Variants in RGR observed in about 807,000 individuals in gnomAD.
RGR encodes RPE-retinal G protein-coupled receptor.
A neutral mutation model predicts 28.6 loss-of-function variants in RGR; 30 were observed. The ratio of observed to expected loss-of-function variants is 1.05; its 90% CI spans 0.78 to 1.42. The LOEUF (loss-of-function observed/expected upper bound fraction) is 1.42. Among genes scored for constraint, RGR ranks in the 40% most tolerant of loss-of-function variants. RGR has a pLI of 0.00. For missense variants in RGR, 404 were observed against 375.6 expected, an observed-to-expected ratio of 1.08 and a Z score of -0.62; for synonymous variants, 180 against 156.4, an observed-to-expected ratio of 1.15 and a Z score of -1.13.
At chr10:84,258,412 C>T in intron 6 of RGR, 96 bp from the exon 7 acceptor site, 1 of 1,588,186 alleles carries the variant, frequency 6.3e-7, no homozygotes, top group South Asian at 1.1e-5. Context: ...AAATGATTGG[C>T]AGTTGTAGGT....
At chr10:84,254,120 T>C (rs567963259) in intron 4 of RGR, among the ~76,000 whole-genome samples, 3 of 152,320 alleles carry the variant, frequency 2.0e-5, no homozygotes, top group South Asian at 4.2e-4. Flanking sequence ...GGCTGAGCAC[T>C]TGAACAAGAA....
intron 3 of RGR, chr10:84,250,328 C>T (rs531583564): frequency 1.9e-4 from 138 of 717,222 alleles, no homozygotes; most frequent in Middle Eastern, 1.6e-3. Context: ...GTATAGCCCC[C>T]TTCCCTGAAA....
rs1254786455 is a variant in RGR at position 84,248,950 on chromosome 10, C to T, written c.265C>T (p.Gln89Ter). 1.9e-6 allele frequency: 3 copies of T among 1,614,156 alleles called. No individual in the cohort carries two copies. The part of the protein sequence containing the change: ...RRWPYGSDGC[Q>*]AHGFQGFVTA... ...CTGGCCCTACGGCTCGGACGGCTGC[C>T]AGGCTCACGGCTTCCAGGGCTTTGT... Residue 89 changes from glutamine (Q) to a stop codon, truncating the protein, a stop_gained, in exon 3 of 7, where the codon CAG becomes TAG. Transcript: ENST00000652092. LOFTEE classifies it high-confidence loss of function.
rs774316034 is a variant in RGR at position 84,245,160 on chromosome 10, C to T, written c.70C>T (p.Leu24=). 8 of 1,612,750 alleles carry T rather than the reference C, an allele frequency of 5.0e-6. No individual in the cohort carries two copies. The African/African-American group carries it at 8.0e-5, about 16-fold the overall frequency. The change falls in exon 1 of 7, where the codon CTG becomes TTG. Residue 24 remains leucine, a synonymous_variant. Transcript: ENST00000652092. ...GGTGCTGGCTGTGGGGATGGTGCTA[C>T]TGGTGGAAGGTGAGCCAGGCAGAAC... ...LEVLAVGMVL[L]VEALSGLSLN... is the part of the protein sequence containing the mutation.
intron 3 of RGR, chr10:84,250,593 A>G: frequency 1.5e-6 from 1 of 647,356 alleles, no homozygotes; most frequent in East Asian, 2.8e-5. Context: ...CTGCCTCAAT[A>G]TAGAACAGTT....
At chr10:84,255,718 CTTTTTTTTTT>C (rs71013305) in intron 5 of RGR, among the ~76,000 whole-genome samples, 53 of 102,880 alleles carry the variant, frequency 5.2e-4, no homozygotes, top group Non-Finnish European at 9.5e-4. Flanking sequence ...GGTTTTCTTT[CTTTTTTTTTT>C]TTTTTTTTTT....
intron 5 of RGR, 124 bp downstream of exon 5, chr10:84,254,567 C>G (rs1842860714): frequency 1.2e-6 from 1 of 865,730 alleles, no homozygotes; most frequent in South Asian, 1.4e-5. Flanking sequence ...GCTTTTGCAG[C>G]AAAAGCTTAT....
rs1306459537 is a variant in RGR, at chr10:84,255,777, C to T, written c.630+1334C>T. Reference sequence around the variant, plus strand: ...TTCACTCTTGTTGCCCAGGCTGGAGCGCAATGGTGTGATGTCGGCTCACCG... The same window carrying T: ...TTCACTCTTGTTGCCCAGGCTGGAGTGCAATGGTGTGATGTCGGCTCACCG... On this transcript the variant is annotated intron_variant, in intron 5 of 6. Transcript: ENST00000652092. Among the ~76,000 whole-genome samples, 6 of 136,172 alleles carry T rather than the reference C, an allele frequency of 4.4e-5. No individual in the cohort carries two copies. In the South Asian group the frequency reaches 6.8e-4, roughly 15 times the overall value. The allele number at this position is 136,172 out of a possible 152,430, so 89.3% of individuals were successfully genotyped here.
intron 3 of RGR, among the ~76,000 whole-genome samples, chr10:84,249,778 C>T (rs569881526): frequency 6.6e-6 from 1 of 152,330 alleles, no homozygotes; most frequent in South Asian, 2.1e-4. Flanking sequence ...TTCCATGAGG[C>T]TTCATGAAAA....
intron 5 of RGR, among the ~76,000 whole-genome samples, chr10:84,256,673 T>C (rs946680244): frequency 6.6e-6 from 1 of 152,230 alleles, no homozygotes; most frequent in African/African-American, 2.4e-5. Context: ...AGCTGGCTGC[T>C]GGCATAGGCG....
intron 5 of RGR, chr10:84,255,576 T>G (rs1283957233): frequency 1.3e-5 from 2 of 152,248 alleles, no homozygotes; most frequent in East Asian, 3.8e-4. Context: ...TGAATTACTA[T>G]TCCCTTGCCA....
chr10:84,249,149 C>T (rs1842785271), intron 3 of RGR, 106 bp downstream of exon 3: 2 of 1,519,574 alleles, frequency 1.3e-6, no homozygotes, highest in Non-Finnish European at 1.8e-6. Flanking sequence ...TTTCCCAGTA[C>T]AGGGAAGTGT....
chr10:84,250,397 C>T (rs1406432715), intron 3 of RGR: 3 of 717,246 alleles, frequency 4.2e-6, no homozygotes, highest in Non-Finnish European at 7.8e-6. Flanking sequence ...CAAAATGCTG[C>T]CATCGGTCTC....
Position 84,258,861 on chromosome 10 carries a change from T to G in RGR, c.*222T>G. 1 of 593,840 alleles carries G rather than the reference T, an allele frequency of 1.7e-6. No individual in the cohort carries two copies. Among genetic ancestry groups the G allele is most frequent in the Non-Finnish European group, 3.0e-6 (1 of 336,530 alleles). The allele number at this position is 593,840 out of a possible 1,614,324, so 36.8% of individuals were successfully genotyped here. A position where few individuals can be genotyped will look rare whatever the true frequency, so the allele number is the denominator to read the frequency against. ...CCCCTACACTCAAGGCTGAGAGGCCTCAGGAAAGTCATTCCTTTTTAAAAA... is the reference window on the plus strand; with the variant it reads ...CCCCTACACTCAAGGCTGAGAGGCCGCAGGAAAGTCATTCCTTTTTAAAAA... On this transcript the variant is annotated 3_prime_UTR_variant, in exon 7 of 7. Transcript: ENST00000652092.
chr10:84,247,501 G>C (rs1369779803), intron 1 of RGR, 90 bp from the exon 2 acceptor site: 3 of 1,426,332 alleles, frequency 2.1e-6, no homozygotes, highest in Admixed American at 1.7e-5. Context: ...TGTCCAGGAG[G>C]TTGCTGATGT....
chr10:84,257,844 G>C lies in RGR; in HGVS notation c.631-49G>C, dbSNP rs772549423. Reference sequence around the variant, plus strand: ...CTGGTTTTCTTGGCCACATAGGGCTGTGGGCCACCTGGAGCAAGCTGACAT... The same window carrying C: ...CTGGTTTTCTTGGCCACATAGGGCTCTGGGCCACCTGGAGCAAGCTGACAT... On this transcript the variant is annotated intron_variant, in intron 5 of 6. Transcript: ENST00000652092. The C allele has an allele frequency of 6.4e-6, 10 of 1,557,404 alleles. No individual in the cohort carries two copies. The Middle Eastern group carries it at 7.8e-4, about 122-fold the overall frequency.
intron 4 of RGR, among the ~76,000 whole-genome samples, chr10:84,253,970 TCCTTTTAAAA>T (rs2132885767): frequency 6.6e-6 from 1 of 152,340 alleles, no homozygotes; most frequent in East Asian, 1.9e-4. Flanking sequence ...TTATCCCGTC[TCCTTTTAAAA>T]CCTTTGGGCC....
chr10:84,247,504 G>A (rs539859032), intron 1 of RGR, 87 bp from the exon 2 acceptor site: 2 of 1,455,338 alleles, frequency 1.4e-6, no homozygotes, highest in South Asian at 1.1e-5. Flanking sequence ...CCAGGAGGTT[G>A]CTGATGTTCC....
chr10:84,258,040 C>T (rs769207987), intron 6 of RGR, 34 bp downstream of exon 6: 3 of 1,536,634 alleles, frequency 2.0e-6, no homozygotes, highest in Middle Eastern at 1.7e-4. Context: ...AACTAGACCC[C>T]TCTCCATCTT....
Sources: allele counts gnomAD v4.1 joint callset (sites outside exome capture counted in the v4.1 genomes callset), GRCh38; gene constraint gnomAD v4.1.1; transcripts MANE v1.5; gene names NCBI Gene and HGNC (gene_info 2026-07-23, HGNC 2026-07-21).